Variants in ABCA12 observed in about 807,000 individuals in gnomAD.
The protein encoded by ABCA12 is glucosylceramide transporter ABCA12.
ABCA12 carries 156 observed loss-of-function variants against 293.5 expected under a neutral mutation model. That is an observed-to-expected ratio of 0.53 (90% CI 0.47 to 0.61). ABCA12 has a LOEUF of 0.61. Ranked by LOEUF, ABCA12 falls within the 20% of genes least tolerant of loss-of-function variation. ABCA12 has a pLI of 0.00. For synonymous variants in ABCA12, 1,063 were observed against 1,108.0 expected (o/e 0.96, Z 0.81); for missense variants, 2,797 against 3,090.2 (o/e 0.91, Z 2.25).
chr2:214,941,977 G>A (rs2105916401), intron 50 of ABCA12, among the ~76,000 whole-genome samples: 1 of 152,226 alleles, frequency 6.6e-6, no homozygotes, highest in African/African-American at 2.4e-5. Context: ...ATATTGTTAT[G>A]TGTGAATTTG....
intron 3 of ABCA12, among the ~76,000 whole-genome samples, chr2:215,055,101 C>T (rs1701394118): frequency 6.6e-6 from 1 of 151,982 alleles, no homozygotes; most frequent in African/African-American, 2.4e-5. Context: ...TATAGATGGC[C>T]TTTTAAAGAT....
intron 7 of ABCA12, among the ~76,000 whole-genome samples, chr2:215,042,787 A>C (rs1050226729): frequency 3.3e-5 from 5 of 152,170 alleles, no homozygotes. Context: ...GCAATAGAAC[A>C]GTAAAATTTA....
intron 8 of ABCA12, chr2:215,032,146 T>C: frequency 2.2e-6 from 3 of 1,342,756 alleles, no homozygotes; most frequent in Non-Finnish European, 2.9e-6. Context: ...AACAAGTTCT[T>C]TGTCTGTGCA....
chr2:215,032,414 T>C (rs1465784613), intron 8 of ABCA12: 1 of 184,908 alleles, frequency 5.4e-6, no homozygotes, highest in Non-Finnish European at 1.1e-5. Context: ...TGAATGCAAA[T>C]TGACTGATGT....
intron 2 of ABCA12, among the ~76,000 whole-genome samples, chr2:215,084,492 A>C (rs945515636): frequency 1.3e-5 from 2 of 152,188 alleles, no homozygotes; most frequent in African/African-American, 4.8e-5. Context: ...AAAACTGGAC[A>C]AAGTACTACA....
chr2:214,981,868 G>T (rs989223924), intron 30 of ABCA12, among the ~76,000 whole-genome samples: 2 of 147,446 alleles, frequency 1.4e-5, no homozygotes, highest in African/African-American at 5.0e-5. Flanking sequence ...TGACCTCTTG[G>T]GTTCAAGTGA....
chr2:215,046,146 GA>G, intron 6 of ABCA12, 131 bp from the exon 7 acceptor site: 1 of 852,016 alleles, frequency 1.2e-6, no homozygotes, highest in South Asian at 1.7e-5. Flanking sequence ...CACTCAGTTT[GA>G]AGCCAATCTT....
chr2:215,017,886 A>G, intron 14 of ABCA12, 122 bp downstream of exon 14: 1 of 1,405,684 alleles, frequency 7.1e-7, no homozygotes, highest in South Asian at 1.2e-5. Flanking sequence ...TATCACTTGC[A>G]TAGAAAATTC....
intron 2 of ABCA12, among the ~76,000 whole-genome samples, chr2:215,073,706 G>C (rs1053881223): frequency 1.3e-5 from 2 of 152,210 alleles, no homozygotes; most frequent in Non-Finnish European, 2.9e-5. Context: ...TTCTGATTGA[G>C]GAGGGAAGTG....
chr2:215,004,188 G>C (rs374653907), intron 20 of ABCA12, 21 bp downstream of exon 20: 1 of 1,591,582 alleles, frequency 6.3e-7, no homozygotes, highest in East Asian at 2.2e-5. Context: ...ATGAATAAAA[G>C]CTTTGTGAAT....
chr2:215,052,062 A>C, intron 5 of ABCA12, among the ~76,000 whole-genome samples: 1 of 152,162 alleles, frequency 6.6e-6, no homozygotes, highest in East Asian at 1.9e-4. Flanking sequence ...AAATACGCTA[A>C]GAAAAAGGAT....
At chr2:214,940,782 G>GTAGTT (rs1273477639) in intron 50 of ABCA12, among the ~76,000 whole-genome samples, 1 of 152,042 alleles carries the variant, frequency 6.6e-6, no homozygotes, top group Non-Finnish European at 1.5e-5. Context: ...TTCTCTGATG[G>GTAGTT]TAGTTTATGT....
At chr2:215,096,199 C>T (rs1568742) in intron 2 of ABCA12, among the ~76,000 whole-genome samples, 116,838 of 152,088 alleles carry the variant, frequency 0.77, 46,933 homozygotes, top group Non-Finnish European at 0.9. Flanking sequence ...CACAAATTAT[C>T]TTATTACATG....
intron 3 of ABCA12, among the ~76,000 whole-genome samples, chr2:215,062,223 A>T (rs1434512366): frequency 6.6e-6 from 1 of 152,146 alleles, no homozygotes; most frequent in African/African-American, 2.4e-5. Flanking sequence ...ACATCAGCAT[A>T]CATTATTCCT....
At chr2:215,132,725 G>A (rs1455031644) in intron 1 of ABCA12, among the ~76,000 whole-genome samples, 1 of 151,912 alleles carries the variant, frequency 6.6e-6, no homozygotes, top group Non-Finnish European at 1.5e-5. Flanking sequence ...GGGCATTGAG[G>A]CATTTATGTT....
intron 18 of ABCA12, among the ~76,000 whole-genome samples, chr2:215,009,141 A>G (rs11900418): frequency 1 from 151,995 of 152,302 alleles, 75,846 homozygotes; most frequent in East Asian, 1. Flanking sequence ...ATACCACACA[A>G]CCATAAAAAA....
At chr2:215,061,276 A>G (rs1701522436) in intron 3 of ABCA12, among the ~76,000 whole-genome samples, 1 of 152,092 alleles carries the variant, frequency 6.6e-6, no homozygotes, top group Admixed American at 6.6e-5. Context: ...TTAGAGATGT[A>G]TAAATTTAAT....
rs1703276653 is a variant in ABCA12 at position 215,138,358 on chromosome 2, T to C, written c.-150A>G. On this transcript the variant is annotated 5_prime_UTR_variant, in exon 1 of 53. Transcript: ENST00000272895. ...GAGGGCTGGGGTAAGAAACCCACAG[T>C]TCTTCTGTTTCTGCTGGATTTTTCC... 5 of 789,878 alleles carry C rather than the reference T, an allele frequency of 6.3e-6. No homozygotes were observed. The Admixed American group carries it at 7.9e-5, about 12-fold the overall frequency. 48.9% of individuals were successfully genotyped at this position (789,878 alleles called of 1,614,324 possible). A position where few individuals can be genotyped will look rare whatever the true frequency, so the allele number is the denominator to read the frequency against.
At chr2:215,115,973 G>A (rs1300270424) in intron 1 of ABCA12, among the ~76,000 whole-genome samples, 2 of 152,170 alleles carry the variant, frequency 1.3e-5, no homozygotes. Flanking sequence ...TTTCATAAGA[G>A]CAGGTTGATG....
Sources: allele counts gnomAD v4.1 joint callset (sites outside exome capture counted in the v4.1 genomes callset), GRCh38; gene constraint gnomAD v4.1.1; transcripts MANE v1.5; gene names NCBI Gene and HGNC (gene_info 2026-07-23, HGNC 2026-07-21).